Variants in MYO3B observed in about 807,000 individuals in gnomAD.
MYO3B encodes myosin IIIB.
A neutral mutation model predicts 174.6 loss-of-function variants in MYO3B; 156 were observed. The ratio of observed to expected loss-of-function variants is 0.89; its 90% confidence interval spans 0.78 to 1.02. The LOEUF is 1.02. Among genes scored for constraint, MYO3B ranks in the 50% least tolerant of loss-of-function variants. The pLI is 0.00. For missense variants in MYO3B, 1,632 were observed against 1,639.4 expected (o/e 1.00, Z 0.08); for synonymous variants, 563 against 569.1 (o/e 0.99, Z 0.15).
chr2:170,205,038 C>T (rs532049314), intron 3 of MYO3B, among the ~76,000 whole-genome samples: 3 of 152,230 alleles, frequency 2.0e-5, no homozygotes, highest in South Asian at 2.1e-4. Context: ...CACAGGACAG[C>T]TTCCTTTAAA....
intron 7 of MYO3B, among the ~76,000 whole-genome samples, chr2:170,311,709 A>G (rs933368151): frequency 6.6e-6 from 1 of 151,950 alleles, no homozygotes; most frequent in African/African-American, 2.4e-5. Context: ...ATTTACCTCT[A>G]TGCGTTCTTC....
rs10712536 is a variant in MYO3B, at chr2:170,636,400, C to CT, written c.3734-15213dup. Among the ~76,000 whole-genome samples the CT allele has an allele frequency of 3.3e-3, 466 of 143,016 alleles. 2 individuals are homozygous for CT. Among genetic ancestry groups the CT allele is most frequent in the African/African-American group, 7.0e-3 (275 of 39,114 alleles). The allele number at this position is 143,016 out of a possible 152,430, so 93.8% of individuals were successfully genotyped here. ...GAAAAGAAAAGATCTCCATGAATTT[C>CT]TTTTTTTTTTTTTTTAAGCCAACTT... On this transcript the variant is annotated intron_variant, in intron 32 of 34. Transcript: ENST00000408978.
chr2:170,306,645 T>C (rs1237798464), intron 7 of MYO3B, among the ~76,000 whole-genome samples: 1 of 150,618 alleles, frequency 6.6e-6, no homozygotes, highest in Non-Finnish European at 1.5e-5. Flanking sequence ...TCTGGAGCAC[T>C]GAGCCTGTGA....
At chr2:170,257,463 T>G (rs976556366) in intron 7 of MYO3B, among the ~76,000 whole-genome samples, 19 of 152,148 alleles carry the variant, frequency 1.2e-4, no homozygotes, top group Admixed American at 2.6e-4. Context: ...GCATGGAAAC[T>G]AAACAACTTG....
Position 170,595,760 on chromosome 2 carries a change from C to T in MYO3B, c.3733+51772C>T, listed in dbSNP as rs138072556. Among the ~76,000 whole-genome samples the T allele has an allele frequency of 1.2e-4, 18 of 152,146 alleles. No individual in the cohort carries two copies. The South Asian group carries it at 1.5e-3, about 12-fold the overall frequency. Reference sequence around the variant, plus strand: ...GCTTCTGAGTGCTTTAAGGGTATTCCGAGCTATCCAAGGTCCTCCAGCTCC... The same window carrying T: ...GCTTCTGAGTGCTTTAAGGGTATTCTGAGCTATCCAAGGTCCTCCAGCTCC... On this transcript the variant is annotated intron_variant, in intron 32 of 34. Transcript: ENST00000408978.
chr2:170,205,399 T>C (rs972427673), intron 3 of MYO3B, among the ~76,000 whole-genome samples: 2 of 152,148 alleles, frequency 1.3e-5, no homozygotes, highest in African/African-American at 4.8e-5. Context: ...AGCATTTAAT[T>C]TAAAATTTCT....
Position 170,651,727 on chromosome 2 carries a change from A to C in MYO3B, c.3833A>C (p.Gln1278Pro). The C allele has an allele frequency of 6.2e-7, 1 of 1,613,568 alleles. No homozygotes were observed. The highest frequency in any genetic ancestry group is 8.5e-7 in the Non-Finnish European group (1 of 1,179,614). The change falls in exon 33 of 35, where the codon CAG (glutamine) becomes CCG (proline). Residue 1278 changes from glutamine (Q) to proline (P), a missense_variant. Coordinates refer to ENST00000408978, the MANE Select transcript of MYO3B (RefSeq NM_138995.5). ...SSPEDTMYYN[Q>P]LNGTLEYQGS... Reference sequence around the variant, plus strand: ...CCTGAGGACACCATGTACTATAACCAGTTAAATGTGAGTTCAAAGTGGCCG... The same window carrying C: ...CCTGAGGACACCATGTACTATAACCCGTTAAATGTGAGTTCAAAGTGGCCG...
chr2:170,558,947 T>G (rs1318180878), intron 32 of MYO3B, among the ~76,000 whole-genome samples: 1 of 152,254 alleles, frequency 6.6e-6, no homozygotes, highest in Admixed American at 6.5e-5. Context: ...CTTAACACAC[T>G]ACTTCACATG....
chr2:170,355,235 T>C (rs1001609114), intron 8 of MYO3B, among the ~76,000 whole-genome samples: 2 of 152,224 alleles, frequency 1.3e-5, no homozygotes, highest in African/African-American at 4.8e-5. Flanking sequence ...ATAAAATGTG[T>C]GCACCTACAT....
intron 32 of MYO3B, among the ~76,000 whole-genome samples, chr2:170,651,285 T>G (rs1232616223): frequency 6.6e-6 from 1 of 152,208 alleles, no homozygotes; most frequent in Non-Finnish European, 1.5e-5. Flanking sequence ...TTACTTTGGT[T>G]GTCCTAACAT....
intron 8 of MYO3B, chr2:170,348,071 G>A (rs1314381512): frequency 6.6e-6 from 1 of 152,152 alleles, no homozygotes; most frequent in Admixed American, 6.5e-5. Context: ...AAGATGGGTG[G>A]ATCATTTGAG....
chr2:170,633,324 A>G (rs1055635467), intron 32 of MYO3B, among the ~76,000 whole-genome samples: 6 of 152,242 alleles, frequency 3.9e-5, no homozygotes, highest in Admixed American at 1.3e-4. Flanking sequence ...ACATACGCAA[A>G]TCAATAAACT....
At chr2:170,619,910 C>T (rs1695769286) in intron 32 of MYO3B, among the ~76,000 whole-genome samples, 1 of 151,536 alleles carries the variant, frequency 6.6e-6, no homozygotes, top group African/African-American at 2.4e-5. Flanking sequence ...CCATGCCTGG[C>T]TAATTTTTGT....
chr2:170,630,771 G>A (rs1696890478), intron 32 of MYO3B, among the ~76,000 whole-genome samples: 1 of 152,198 alleles, frequency 6.6e-6, no homozygotes, highest in African/African-American at 2.4e-5. Flanking sequence ...ACAGGGTCTG[G>A]AGTGGACCTC....
At chr2:170,370,626 CACACACACACACACA>C in intron 9 of MYO3B, among the ~76,000 whole-genome samples, 1 of 4,678 alleles carries the variant, frequency 2.1e-4, no homozygotes, top group Non-Finnish European at 3.8e-4. Flanking sequence ...CACCCACCTA[CACACACACACACACA>C]CACACACACA....
intron 23 of MYO3B, among the ~76,000 whole-genome samples, chr2:170,447,229 A>G (rs568277421): frequency 2.6e-5 from 4 of 152,332 alleles, no homozygotes; most frequent in African/African-American, 9.6e-5. Context: ...CAGCTCCAAC[A>G]CATGGAGCAG....
At chr2:170,399,242 C>CAAAAAAAAAAAAAAA (rs71399532) in intron 16 of MYO3B, among the ~76,000 whole-genome samples, 17 of 15,620 alleles carry the variant, frequency 1.1e-3, no homozygotes, top group Non-Finnish European at 1.9e-3. Context: ...AATTCCGTCT[C>CAAAAAAAAAAAAAAA]AAAAAAAAAA....
intron 1 of MYO3B, among the ~76,000 whole-genome samples, chr2:170,191,984 G>C (rs1339092153): frequency 2.6e-5 from 4 of 152,036 alleles, no homozygotes; most frequent in African/African-American, 9.7e-5. Flanking sequence ...TCCGAAGTGA[G>C]GTTGATTGCA....
At chr2:170,462,613 T>C (rs1684360740) in intron 23 of MYO3B, among the ~76,000 whole-genome samples, 1 of 152,272 alleles carries the variant, frequency 6.6e-6, no homozygotes, top group African/African-American at 2.4e-5. Context: ...TTCTGCTTTA[T>C]ACCCTTGCCA....
Sources: gnomAD v4.1 joint callset for allele counts (sites outside exome capture counted in the v4.1 genomes callset) on GRCh38, gnomAD v4.1.1 for gene constraint, MANE v1.5 for transcripts, NCBI Gene and HGNC (gene_info 2026-07-23, HGNC 2026-07-21) for gene names.